Variants in FSTL4 observed in about 807,000 individuals in gnomAD.
FSTL4 encodes the protein follistatin like 4.
Under a neutral mutation model 78.2 loss-of-function variants are expected in FSTL4, and 28 were observed. The ratio of observed to expected loss-of-function variants is 0.36; its 90% CI spans 0.27 to 0.49. FSTL4 has a LOEUF of 0.49. Among genes scored for constraint, FSTL4 ranks in the 20% least tolerant of loss-of-function variants. FSTL4 has a pLI of 0.98. For missense variants in FSTL4, 922 were observed against 1,084.9 expected (o/e 0.85, Z 2.11); for synonymous variants, 422 against 440.5 (o/e 0.96, Z 0.53).
intron 3 of FSTL4, among the ~76,000 whole-genome samples, chr5:133,462,632 A>C (rs1757616245): frequency 6.6e-6 from 1 of 152,158 alleles, no homozygotes; most frequent in Non-Finnish European, 1.5e-5. Flanking sequence ...TGGCCAGTGA[A>C]ATGTGAGGAG....
rs1409836936 is a variant in FSTL4 at position 133,590,970 on chromosome 5, G to A, written c.126+12888C>T. Among the ~76,000 whole-genome samples, 3 of 152,126 alleles carry A rather than the reference G, an allele frequency of 2.0e-5. 1 individual carries two copies. The highest frequency in any genetic ancestry group is 4.4e-5 in the Non-Finnish European group (3 of 68,012). On this transcript the variant is annotated intron_variant, in intron 2 of 15. Coordinates refer to ENST00000265342, the MANE Select transcript of FSTL4 (RefSeq NM_015082.2). The stretch of plus-strand genomic sequence containing the variant: ...CCTGAGGATGGAGCATGGAGCCTTC[G>A]TTACCTAAACACCCCCATTAGGCAC...
chr5:133,601,220 A>G (rs577999798), intron 2 of FSTL4, among the ~76,000 whole-genome samples: 1 of 152,360 alleles, frequency 6.6e-6, no homozygotes, highest in African/African-American at 2.4e-5. Flanking sequence ...GAGTGACTTT[A>G]TGACCAGGAC....
At chr5:133,818,212 A>G in the FSTL4 span, among the ~76,000 whole-genome samples, 1 of 152,238 alleles carries the variant, frequency 6.6e-6, no homozygotes, top group East Asian at 1.9e-4. Flanking sequence ...TGATAGCAGC[A>G]GCAAGAGTCA....
the FSTL4 span, among the ~76,000 whole-genome samples, chr5:133,634,338 G>A: frequency 1.3e-5 from 2 of 152,024 alleles, no homozygotes; most frequent in Non-Finnish European, 2.9e-5. Context: ...TGTCTTGCTA[G>A]GCTGCCTCTT....
intron 4 of FSTL4, among the ~76,000 whole-genome samples, chr5:133,360,274 C>T (rs1390364581): frequency 6.6e-6 from 1 of 152,200 alleles, no homozygotes; most frequent in African/African-American, 2.4e-5. Flanking sequence ...CCTTTTAAAG[C>T]CCATTTGATG....
intron 2 of FSTL4, 74 bp from the exon 3 acceptor site, chr5:133,567,293 CTT>C (rs1760046785): frequency 1.9e-6 from 2 of 1,048,368 alleles, no homozygotes; most frequent in Non-Finnish European, 3.0e-6. Context: ...TATCTCCTCT[CTT>C]GTTAGTCACA....
chr5:133,238,780 C>T (rs117598660), intron 7 of FSTL4, among the ~76,000 whole-genome samples: 2 of 152,354 alleles, frequency 1.3e-5, no homozygotes, highest in East Asian at 1.9e-4. Flanking sequence ...GAGGTTACGG[C>T]GACATTCACT....
At chr5:133,697,840 C>G in the FSTL4 span, among the ~76,000 whole-genome samples, 1 of 152,208 alleles carries the variant, frequency 6.6e-6, no homozygotes, top group African/African-American at 2.4e-5. Context: ...CAATTCTCAA[C>G]AGATAATTTC....
chr5:133,775,760 A>G, the FSTL4 span, among the ~76,000 whole-genome samples: 1 of 152,182 alleles, frequency 6.6e-6, no homozygotes, highest in Admixed American at 6.5e-5. Context: ...TATTATCAAC[A>G]GGAGAAGAAA....
At chr5:133,301,747 C>T (rs955920455) in intron 6 of FSTL4, among the ~76,000 whole-genome samples, 3 of 152,266 alleles carry the variant, frequency 2.0e-5, no homozygotes, top group South Asian at 2.1e-4. Flanking sequence ...CTGCCCCAGG[C>T]GGCTCGCACA....
At chr5:133,664,330 T>G in the FSTL4 span, among the ~76,000 whole-genome samples, 1 of 148,652 alleles carries the variant, frequency 6.7e-6, no homozygotes, top group Non-Finnish European at 1.5e-5. Flanking sequence ...TAAAAAAAAT[T>G]CCAGTAGAAT....
chr5:133,348,321 C>G (rs765586665), intron 4 of FSTL4, among the ~76,000 whole-genome samples: 42 of 152,204 alleles, frequency 2.8e-4, no homozygotes, highest in Non-Finnish European at 5.6e-4. Flanking sequence ...AGAGTCTAAG[C>G]AGAGGCACTG....
chr5:133,658,706 A>T, the FSTL4 span, among the ~76,000 whole-genome samples: 7 of 152,042 alleles, frequency 4.6e-5, no homozygotes, highest in Non-Finnish European at 7.4e-5. Flanking sequence ...TTTTTTAAGG[A>T]TAAAGCTTAA....
chr5:133,317,634 G>A (rs979037557), intron 4 of FSTL4, among the ~76,000 whole-genome samples: 2 of 152,242 alleles, frequency 1.3e-5, no homozygotes, highest in African/African-American at 4.8e-5. Flanking sequence ...ATAGAAAGAA[G>A]TGTTAGAGAG....
intron 6 of FSTL4, among the ~76,000 whole-genome samples, chr5:133,298,211 T>C (rs982003480): frequency 6.6e-6 from 1 of 152,240 alleles, no homozygotes; most frequent in South Asian, 2.1e-4. Context: ...TGAATTCACT[T>C]AGAACAGCTT....
At chr5:133,482,065 C>T (rs577808375) in intron 3 of FSTL4, among the ~76,000 whole-genome samples, 1 of 152,332 alleles carries the variant, frequency 6.6e-6, no homozygotes, top group South Asian at 2.1e-4. Context: ...CCTGCAGATG[C>T]AGTGCCAGTT....
intron 3 of FSTL4, among the ~76,000 whole-genome samples, chr5:133,535,043 G>A (rs1759324659): frequency 6.6e-6 from 1 of 152,182 alleles, no homozygotes; most frequent in South Asian, 2.1e-4. Context: ...GTTAACTGTG[G>A]TCGTAAGGAG....
intron 3 of FSTL4, among the ~76,000 whole-genome samples, chr5:133,527,960 T>C (rs1561457696): frequency 6.6e-6 from 1 of 152,196 alleles, no homozygotes; most frequent in East Asian, 1.9e-4. Flanking sequence ...CTTATTAATT[T>C]AGCTCCTCCA....
intron 4 of FSTL4, among the ~76,000 whole-genome samples, chr5:133,337,241 T>C (rs933582209): frequency 7.2e-5 from 11 of 152,334 alleles, no homozygotes; most frequent in African/African-American, 2.4e-5. Context: ...AGGGACATCA[T>C]GATTGCATTC....
Sources: allele counts gnomAD v4.1 joint callset (sites outside exome capture counted in the v4.1 genomes callset), GRCh38; gene constraint gnomAD v4.1.1; transcripts MANE v1.5; gene names NCBI Gene and HGNC (gene_info 2026-07-23, HGNC 2026-07-21).